Variants in SASH1 observed in about 807,000 individuals in gnomAD.
SASH1 encodes the protein SAM and SH3 domain containing 1, also known as SAM and SH3 domain-containing protein 1.
A neutral mutation model predicts 125.2 loss-of-function variants in SASH1; 44 were observed. The ratio of observed to expected loss-of-function variants is 0.35; its 90% CI spans 0.28 to 0.45. SASH1 has a LOEUF of 0.45. Among genes scored for constraint, SASH1 ranks in the 20% least tolerant of loss-of-function variants. The pLI is 1.00. For synonymous variants in SASH1, 639 were observed against 649.1 expected (o/e 0.98, Z 0.24); for missense variants, 1,426 against 1,614.5 (o/e 0.88, Z 2.00).
intron 8 of SASH1, chr6:148,513,644 G>A: frequency 4.1e-6 from 4 of 985,654 alleles, no homozygotes; most frequent in South Asian, 9.4e-5. Context: ...GGGCTGCTGG[G>A]GAATATGGAC....
chr6:148,279,955 C>T (rs1779290520), intron 1 of SASH1, among the ~76,000 whole-genome samples: 1 of 150,990 alleles, frequency 6.6e-6, no homozygotes, highest in Non-Finnish European at 1.5e-5. Flanking sequence ...CCACTGCACT[C>T]CAGCCTGGGT....
At chr6:148,506,272 T>G (rs567353458) in intron 8 of SASH1, among the ~76,000 whole-genome samples, 1 of 151,770 alleles carries the variant, frequency 6.6e-6, no homozygotes, top group African/African-American at 2.4e-5. Context: ...TTAGGAGTTT[T>G]GAGACTAGCC....
chr6:148,406,205 CTGCTTGTTTTTGTTTG>C lies in SASH1; in HGVS notation c.285+15953_285+15968del, dbSNP rs576140505. On this transcript the variant is annotated intron_variant, in intron 2 of 19. Coordinates refer to ENST00000367467, the MANE Select transcript of SASH1 (RefSeq NM_015278.5). ...GTGAGATTTGAATTTATTCAGCAAT[CTGCTTGTTTTTGTTTG>C]TGCTTGTTTGTTCTGGCTGGTCATA... Among the ~76,000 whole-genome samples the C allele has an allele frequency of 2.6e-4, 39 of 152,268 alleles. No individual in the cohort carries two copies. In the South Asian group the frequency reaches 7.7e-3, roughly 30 times the overall value.
At position 148,550,109 on chromosome 6, in the gene SASH1, C is replaced by T. The variant is rs1261275246; in HGVS notation, c.*1551C>T. Reference sequence around the variant, plus strand: ...GGATTACAGGTGTGAGCCACCGCACCTGGCCTCTGTCCTCTTTTAGTCTAG... The same window carrying T: ...GGATTACAGGTGTGAGCCACCGCACTTGGCCTCTGTCCTCTTTTAGTCTAG... On this transcript the variant is annotated 3_prime_UTR_variant, in exon 20 of 20. Coordinates refer to ENST00000367467, the MANE Select transcript of SASH1 (RefSeq NM_015278.5). 1 of 152,282 alleles carries T rather than the reference C, an allele frequency of 6.6e-6. No individual in the cohort carries two copies. Among genetic ancestry groups the T allele is most frequent in the Non-Finnish European group, 1.5e-5 (1 of 68,086 alleles). The allele number at this position is 152,282 out of a possible 1,614,324, so 9.4% of individuals were successfully genotyped here.
chr6:148,516,840 G>A (rs1328807378), intron 9 of SASH1, among the ~76,000 whole-genome samples: 2 of 152,048 alleles, frequency 1.3e-5, no homozygotes, highest in Non-Finnish European at 2.9e-5. Flanking sequence ...TTCTCACTCC[G>A]CTGCCACCTG....
intron 2 of SASH1, among the ~76,000 whole-genome samples, chr6:148,397,738 C>A (rs1339079574): frequency 1.3e-5 from 2 of 152,128 alleles, no homozygotes; most frequent in Admixed American, 1.3e-4. Flanking sequence ...ATAATAGGTG[C>A]CCAATAAGTA....
At chr6:148,384,364 T>C (rs1269020874) in intron 1 of SASH1, among the ~76,000 whole-genome samples, 1 of 152,200 alleles carries the variant, frequency 6.6e-6, no homozygotes, top group Non-Finnish European at 1.5e-5. Context: ...CAGAAACTTT[T>C]GAACACCTTA....
chr6:148,415,963 G>A (rs925085689), intron 2 of SASH1, among the ~76,000 whole-genome samples: 2 of 152,224 alleles, frequency 1.3e-5, no homozygotes, highest in Non-Finnish European at 2.9e-5. Context: ...AAAGCTTTGT[G>A]TAATTATAGT....
intron 8 of SASH1, among the ~76,000 whole-genome samples, chr6:148,499,832 ATTC>A (rs1379066536): frequency 3.9e-5 from 6 of 152,140 alleles, no homozygotes; most frequent in Non-Finnish European, 8.8e-5. Context: ...TATAGATTCT[ATTC>A]TTTACTTATT....
At chr6:148,518,419 T>G (rs1033568059) in intron 9 of SASH1, among the ~76,000 whole-genome samples, 2 of 152,188 alleles carry the variant, frequency 1.3e-5, no homozygotes, top group Non-Finnish European at 2.9e-5. Context: ...ATAAATCCCA[T>G]CAATTGGGAA....
At chr6:148,511,123 C>G (rs947235515) in intron 8 of SASH1, among the ~76,000 whole-genome samples, 3 of 152,000 alleles carry the variant, frequency 2.0e-5, no homozygotes, top group Non-Finnish European at 4.4e-5. Flanking sequence ...GAAATGCAAG[C>G]CTTTTACAGC....
chr6:148,334,352 C>G (rs1390139414), intron 1 of SASH1, among the ~76,000 whole-genome samples: 1 of 140,696 alleles, frequency 7.1e-6, no homozygotes, highest in African/African-American at 2.6e-5. Context: ...GGCGTGAACC[C>G]GGGAGGCGGA....
At chr6:148,254,935 C>A in the SASH1 span, among the ~76,000 whole-genome samples, 3 of 151,952 alleles carry the variant, frequency 2.0e-5, no homozygotes, top group East Asian at 1.9e-4. Flanking sequence ...TTCATAATAA[C>A]CAAAATGTGG....
intron 1 of SASH1, among the ~76,000 whole-genome samples, chr6:148,335,252 C>T (rs1201531306): frequency 2.0e-5 from 3 of 151,002 alleles, no homozygotes; most frequent in Non-Finnish European, 4.4e-5. Context: ...GAGCTGAGAT[C>T]GCACCACTGC....
intron 2 of SASH1, among the ~76,000 whole-genome samples, chr6:148,403,461 A>C (rs1023919381): frequency 6.6e-6 from 1 of 152,122 alleles, no homozygotes; most frequent in African/African-American, 2.4e-5. Flanking sequence ...AAATTGAATA[A>C]AAATTCCACA....
the SASH1 span, among the ~76,000 whole-genome samples, chr6:148,250,068 T>C: frequency 6.6e-6 from 1 of 152,294 alleles, no homozygotes; most frequent in East Asian, 1.9e-4. Flanking sequence ...AGCCTGAATG[T>C]GAACCCTGCA....
intron 1 of SASH1, among the ~76,000 whole-genome samples, chr6:148,368,497 C>A (rs904888003): frequency 2.6e-5 from 4 of 152,134 alleles, no homozygotes; most frequent in Non-Finnish European, 5.9e-5. Flanking sequence ...TCTCAAACTC[C>A]TGACCTCAAG....
intron 8 of SASH1, among the ~76,000 whole-genome samples, chr6:148,509,768 C>T (rs2115307021): frequency 6.6e-6 from 1 of 152,294 alleles, no homozygotes; most frequent in Non-Finnish European, 1.5e-5. Flanking sequence ...TAGTGAGCTC[C>T]GGCACACAAA....
At chr6:148,292,096 T>C (rs1228479513) in intron 1 of SASH1, among the ~76,000 whole-genome samples, 1 of 152,232 alleles carries the variant, frequency 6.6e-6, no homozygotes, top group Non-Finnish European at 1.5e-5. Context: ...TTGTCAAATG[T>C]ACTTAATGAA....
Sources: gnomAD v4.1 joint callset for allele counts (sites outside exome capture counted in the v4.1 genomes callset) on GRCh38, gnomAD v4.1.1 for gene constraint, MANE v1.5 for transcripts, NCBI Gene and HGNC (gene_info 2026-07-23, HGNC 2026-07-21) for gene names.